The following ZNF713 variants were observed in gnomAD, a reference collection of about 807,000 sequenced individuals.
ZNF713 encodes the protein zinc finger protein 713.
Under a neutral mutation model 28.7 loss-of-function variants are expected in ZNF713, and 21 were observed. The observed-to-expected ratio is 0.73, with a 90% CI of 0.52 to 1.05. The LOEUF (loss-of-function observed/expected upper bound fraction) is 1.05. Among genes scored for constraint, ZNF713 ranks in the 50% least tolerant of loss-of-function variants. The probability of loss-of-function intolerance (pLI) is 0.00; values close to 1 mark genes in which losing one functional copy is unlikely to be tolerated. For missense variants in ZNF713, 458 were observed against 532.4 expected, an observed-to-expected ratio of 0.86 and a Z score of 1.37; for synonymous variants, 167 against 178.0, an observed-to-expected ratio of 0.94 and a Z score of 0.49.
intron 1 of ZNF713, among the ~76,000 whole-genome samples, chr7:55,892,865 GTTT>G (rs1785412747): frequency 1.8e-5 from 2 of 114,000 alleles, no homozygotes; most frequent in Non-Finnish European, 1.7e-5. Context: ...GAGTGAAATT[GTTT>G]GGGAAAAAAA....
Position 55,900,153 on chromosome 7 carries a change from G to A in ZNF713, c.-582-6100G>A, listed in dbSNP as rs1584298755. Reference sequence around the variant, plus strand: ...GTCAAGATATGGAAGTGACCTAGATGTCCATTGGATGAATGGATTTTAAAA... The same window carrying A: ...GTCAAGATATGGAAGTGACCTAGATATCCATTGGATGAATGGATTTTAAAA... On this transcript the variant is annotated intron_variant, in intron 1 of 6. Coordinates refer to ENST00000429591, the MANE Select transcript of ZNF713 (RefSeq NM_182633.3). 3.3e-5 allele frequency among the ~76,000 whole-genome samples: 5 copies of A among 152,272 alleles called. No homozygotes were observed. In the South Asian group the frequency reaches 1.0e-3, roughly 32 times the overall value.
At chr7:55,928,231 G>A (rs754601167) in intron 6 of ZNF713, among the ~76,000 whole-genome samples, 1 of 152,120 alleles carries the variant, frequency 6.6e-6, no homozygotes, top group Non-Finnish European at 1.5e-5. Flanking sequence ...CCATACAGCT[G>A]TGGTTTCTAA....
intron 5 of ZNF713, 61 bp from the exon 6 acceptor site, chr7:55,923,546 T>A: frequency 7.1e-7 from 1 of 1,417,332 alleles, no homozygotes; most frequent in African/African-American, 1.4e-5. Flanking sequence ...AGGTTGGGAG[T>A]GTGTCTGAGA....
chr7:55,899,280 G>A (rs1316573151), intron 1 of ZNF713, among the ~76,000 whole-genome samples: 9 of 146,970 alleles, frequency 6.1e-5, no homozygotes, highest in Non-Finnish European at 1.3e-4. Flanking sequence ...GTGAACCCGG[G>A]AGGTGGAGCT....
intron 6 of ZNF713, among the ~76,000 whole-genome samples, chr7:55,934,884 CT>C (rs35877447): frequency 0.016 from 2,126 of 131,550 alleles, 38 homozygotes; most frequent in African/African-American, 0.042. Flanking sequence ...CTGGCATTGC[CT>C]TTTTTTTTTT....
chr7:55,941,604 T>G lies in ZNF713; in HGVS notation c.*1598T>G, dbSNP rs1786472928. 1 of 152,176 alleles carries G rather than the reference T, an allele frequency of 6.6e-6. No individual in the cohort carries two copies. Among genetic ancestry groups the G allele is most frequent in the Non-Finnish European group, 1.5e-5 (1 of 68,038 alleles). 9.4% of individuals were successfully genotyped at this position (152,176 alleles called of 1,614,324 possible). ...AGTTTTTACCATATCTAGTATTTAC[T>G]TAATATTCTTTATAAAGGGATGCAA... is the stretch of plus-strand genomic sequence containing the variant. On this transcript the variant is annotated 3_prime_UTR_variant, in exon 7 of 7. Coordinates refer to ENST00000429591, the MANE Select transcript of ZNF713 (RefSeq NM_182633.3).
At chr7:55,894,068 A>T (rs1364825376) in intron 1 of ZNF713, among the ~76,000 whole-genome samples, 3 of 152,118 alleles carry the variant, frequency 2.0e-5, no homozygotes, top group Admixed American at 2.0e-4. Context: ...GCTTGGCTTG[A>T]CCACCCTTGT....
At chr7:55,921,187 GA>G (rs547380960) in intron 4 of ZNF713, among the ~76,000 whole-genome samples, 272 of 143,948 alleles carry the variant, frequency 1.9e-3, no homozygotes, top group East Asian at 4.8e-3. Context: ...CACTGCTCAG[GA>G]AAAAAAAAAA....
chr7:55,892,871 G>GA (rs1194009107), intron 1 of ZNF713, among the ~76,000 whole-genome samples: 47,197 of 123,464 alleles, frequency 0.38, 8,915 homozygotes, highest in African/African-American at 0.5. Context: ...AATTGTTTGG[G>GA]AAAAAAAAAA....
intron 1 of ZNF713, 51 bp from the exon 2 acceptor site, chr7:55,906,202 C>T (rs1005378773): frequency 6.6e-6 from 1 of 152,080 alleles, no homozygotes; most frequent in African/African-American, 2.4e-5. Context: ...CAAGCTTGGC[C>T]CAAATAAGCT....
rs549565566 is a variant in ZNF713 at position 55,890,878 on chromosome 7, C to T, written c.-583+3198C>T. Among the ~76,000 whole-genome samples, 401 of 151,390 alleles carry T rather than the reference C, an allele frequency of 2.6e-3. 1 individual carries two copies. The highest frequency in any genetic ancestry group is 4.1e-3 in the Admixed American group (62 of 15,136). The stretch of plus-strand genomic sequence containing the variant: ...CCTAAAAATACAAATATTAGCTGGG[C>T]GTGGTGGCACGTGCCTGAGGTAGGA... On this transcript the variant is annotated intron_variant, in intron 1 of 6. Coordinates refer to ENST00000429591, the MANE Select transcript of ZNF713 (RefSeq NM_182633.3).
intron 4 of ZNF713, chr7:55,917,915 G>A: frequency 5.6e-6 from 2 of 358,170 alleles, no homozygotes; most frequent in African/African-American, 2.1e-5. Context: ...TGGCAAAGCT[G>A]TGGGGAAACA....
At chr7:55,904,364 G>A (rs1357026180) in intron 1 of ZNF713, among the ~76,000 whole-genome samples, 1 of 59,188 alleles carries the variant, frequency 1.7e-5, no homozygotes, top group Non-Finnish European at 4.0e-5. Flanking sequence ...TTGGGAGGCT[G>A]AAGTGGGAGG....
intron 1 of ZNF713, among the ~76,000 whole-genome samples, chr7:55,905,294 G>C (rs1422376054): frequency 1.3e-5 from 2 of 152,150 alleles, no homozygotes; most frequent in Admixed American, 1.3e-4. Flanking sequence ...TCACCTCTCA[G>C]ATTCTGACCT....
chr7:55,904,463 TAAAAAAAAAAAAA>T (rs71015118), intron 1 of ZNF713, among the ~76,000 whole-genome samples: 1 of 41,292 alleles, frequency 2.4e-5, no homozygotes, highest in Non-Finnish European at 4.8e-5. Context: ...ACTGTATCTT[TAAAAAAAAAAAAA>T]AAAAAAAAAA....
Position 55,940,111 on chromosome 7 carries a change from A to C in ZNF713, c.*105A>C. On this transcript the variant is annotated 3_prime_UTR_variant, in exon 7 of 7. Coordinates refer to ENST00000429591, the MANE Select transcript of ZNF713 (RefSeq NM_182633.3). ...ATTATTCATAGTGGAGAGAAAGCTT[A>C]TACATAAATTTTTGTTTTGTTTTGT... 1 of 1,453,076 alleles carries C rather than the reference A, an allele frequency of 6.9e-7. No homozygotes were observed. Among genetic ancestry groups the C allele is most frequent in the Non-Finnish European group, 9.0e-7 (1 of 1,109,352 alleles). The allele number at this position is 1,453,076 out of a possible 1,614,324, so 90.0% of individuals were successfully genotyped here.
chr7:55,939,738 C>T lies in ZNF713; in HGVS notation c.1064C>T (p.Thr355Ile). 6.2e-7 allele frequency: 1 copy of T among 1,614,198 alleles called. No homozygotes were observed. The highest frequency in any genetic ancestry group is 8.5e-7 in the Non-Finnish European group (1 of 1,180,040). ...TGTGGTAAAGCTTTTAGCCGCATCA[C>T]ATCCCTTACTGAACATCATAGACTT... is the stretch of plus-strand genomic sequence containing the variant. The part of the protein sequence containing the change: ...NQCGKAFSRI[T>I]SLTEHHRLHT... The change falls in exon 7 of 7, where the codon ACA becomes ATA. Residue 355 changes from threonine to isoleucine, a missense_variant. Coordinates refer to ENST00000429591, the MANE Select transcript of ZNF713 (RefSeq NM_182633.3).
At chr7:55,920,568 T>C (rs1477740353) in intron 4 of ZNF713, among the ~76,000 whole-genome samples, 2 of 152,140 alleles carry the variant, frequency 1.3e-5, no homozygotes, top group Admixed American at 6.6e-5. Flanking sequence ...TTGGAAGCTA[T>C]AAGAGGTTTA....
chr7:55,900,662 G>A (rs1785559546), intron 1 of ZNF713, among the ~76,000 whole-genome samples: 1 of 152,172 alleles, frequency 6.6e-6, no homozygotes, highest in Non-Finnish European at 1.5e-5. Context: ...CTTGTAGAGA[G>A]TAGAATGGTT....
Sources: allele counts gnomAD v4.1 joint callset (sites outside exome capture counted in the v4.1 genomes callset), GRCh38; gene constraint gnomAD v4.1.1; transcripts MANE v1.5; gene names NCBI Gene and HGNC (gene_info 2026-07-23, HGNC 2026-07-21).